Variants in OCA2 observed in about 807,000 individuals in gnomAD.
OCA2 encodes OCA2 melanosomal transmembrane protein.
Under a neutral mutation model 100.2 loss-of-function variants are expected in OCA2, and 77 were observed. The observed-to-expected ratio is 0.77, with a 90% confidence interval of 0.64 to 0.93. The LOEUF is 0.93. Ranked by LOEUF, OCA2 falls within the 40% of genes least tolerant of loss-of-function variation. The probability of loss-of-function intolerance (pLI) is 0.00; values close to 1 mark genes in which losing one functional copy is unlikely to be tolerated. For missense variants in OCA2, 1,062 were observed against 1,089.1 expected (o/e 0.98, Z 0.35); for synonymous variants, 432 against 439.2 (o/e 0.98, Z 0.21).
In OCA2 at chr15:27,972,820, G is replaced by GTTATTTTATT. The variant is rs200881214; in HGVS notation, c.1504-6008_1504-5999dup. On this transcript the variant is annotated intron_variant, in intron 14 of 23. Coordinates refer to ENST00000354638, the MANE Select transcript of OCA2 (RefSeq NM_000275.3). ...TGTAGGTTTTCTGTTTACTTTGATGGTTATTTTATTTTATTTTATTTTATT... is the reference window on the plus strand; with the variant it reads ...TGTAGGTTTTCTGTTTACTTTGATGGTTATTTTATTTTATTTTATTTTATTTTATTTTATT... Among the ~76,000 whole-genome samples the GTTATTTTATT allele has an allele frequency of 9.2e-3, 685 of 74,386 alleles. 12 individuals are homozygous for GTTATTTTATT. Among genetic ancestry groups the GTTATTTTATT allele is most frequent in the Non-Finnish European group, 0.016 (355 of 22,240 alleles). The allele number at this position is 74,386 out of a possible 152,430, so 48.8% of individuals were successfully genotyped here.
rs1215470680 is a variant in OCA2 at position 27,985,128 on chromosome 15, C to A, written c.1300G>T (p.Ala434Ser). The change falls in exon 13 of 24, where the codon GCC (alanine) becomes TCC (serine). Residue 434 changes from alanine (A) to serine (S), a missense_variant. Coordinates refer to ENST00000354638, the MANE Select transcript of OCA2 (RefSeq NM_000275.3). ...AMIIMLCLIA[A>S]VLSAFLDNVT... ...TTGTCCAAGAAGGCAGAGAGGACGG[C>A]CGCGATGAGACAGAGCATGATGATC... is the stretch of plus-strand genomic sequence containing the variant. 1 of 1,613,890 alleles carries A rather than the reference C, an allele frequency of 6.2e-7. No homozygotes were observed. Among genetic ancestry groups the A allele is most frequent in the East Asian group, 2.2e-5 (1 of 44,894 alleles).
intron 23 of OCA2, among the ~76,000 whole-genome samples, chr15:27,840,792 T>C (rs1192039609): frequency 6.6e-6 from 1 of 152,038 alleles, no homozygotes; most frequent in African/African-American, 2.4e-5. Context: ...TGAACGTAAA[T>C]GTAACATGTA....
intron 19 of OCA2, among the ~76,000 whole-genome samples, chr15:27,897,864 G>C (rs1211543950): frequency 6.6e-6 from 1 of 152,216 alleles, no homozygotes; most frequent in East Asian, 1.9e-4. Context: ...GAGCCACAGG[G>C]ACCGAGCTGC....
Position 28,016,016 on chromosome 15 carries a change from G to A in OCA2, c.890+88C>T, listed in dbSNP as rs1467861630. 4.0e-6 allele frequency: 4 copies of A among 999,462 alleles called. No homozygotes were observed. The African/African-American group carries it at 6.3e-5, about 16-fold the overall frequency. The allele number at this position is 999,462 out of a possible 1,614,324, so 61.9% of individuals were successfully genotyped here. On this transcript the variant is annotated intron_variant, in intron 8 of 23. Coordinates refer to ENST00000354638, the MANE Select transcript of OCA2 (RefSeq NM_000275.3). ...CACATGCTGACCTGGTGCTGTGTGG[G>A]CCGAAATCAGTGTCCTATAGGTCAG...
intron 5 of OCA2, among the ~76,000 whole-genome samples, chr15:28,023,744 G>A (rs1175427099): frequency 2.6e-5 from 4 of 152,064 alleles, no homozygotes; most frequent in Admixed American, 6.5e-5. Context: ...AAATAACTCC[G>A]CAAAGCACAG....
intron 19 of OCA2, among the ~76,000 whole-genome samples, chr15:27,887,663 T>C (rs1273236994): frequency 6.7e-6 from 1 of 150,018 alleles, no homozygotes; most frequent in Non-Finnish European, 1.5e-5. Flanking sequence ...GGTATGTCTT[T>C]ATCAGCAGCA....
At chr15:27,735,546 C>G in the OCA2 span, among the ~76,000 whole-genome samples, 1 of 151,954 alleles carries the variant, frequency 6.6e-6, no homozygotes, top group Non-Finnish European at 1.5e-5. Context: ...CAAAGCAAGA[C>G]AAACCCAGGA....
At chr15:27,868,657 G>A (rs959295152) in intron 21 of OCA2, among the ~76,000 whole-genome samples, 13 of 152,076 alleles carry the variant, frequency 8.5e-5, no homozygotes, top group Admixed American at 5.9e-4. Flanking sequence ...AGTGCCTAGC[G>A]TTAATATGGT....
At position 27,766,425 on chromosome 15, in the gene OCA2, G is replaced by A. The variant is rs548728725; in HGVS notation, c.2433-10953C>T. Among the ~76,000 whole-genome samples, 7 of 152,100 alleles carry A rather than the reference G, an allele frequency of 4.6e-5. No homozygotes were observed. In the East Asian group the frequency reaches 1.2e-3, roughly 25 times the overall value. On this transcript the variant is annotated intron_variant, in intron 23 of 23. Transcript: ENST00000354638. ...CTGGGAGCAGCCAACCCAGACATTCGCTCCTTCTCTATGAAGGACACTGAC... is the reference window on the plus strand; with the variant it reads ...CTGGGAGCAGCCAACCCAGACATTCACTCCTTCTCTATGAAGGACACTGAC...
At chr15:28,055,713 G>A (rs1486123661) in intron 2 of OCA2, among the ~76,000 whole-genome samples, 4 of 152,200 alleles carry the variant, frequency 2.6e-5, no homozygotes, top group Non-Finnish European at 5.9e-5. Flanking sequence ...ACCTGAGCAG[G>A]GAAGGCCGGC....
At chr15:28,020,672 C>A (rs1229748798) in intron 6 of OCA2, among the ~76,000 whole-genome samples, 1 of 151,968 alleles carries the variant, frequency 6.6e-6, no homozygotes, top group Non-Finnish European at 1.5e-5. Flanking sequence ...TCGGTTCTCT[C>A]ACATGGAGAT....
At chr15:28,006,012 T>G (rs2042080857) in intron 9 of OCA2, among the ~76,000 whole-genome samples, 2 of 152,148 alleles carry the variant, frequency 1.3e-5, no homozygotes, top group African/African-American at 4.8e-5. Flanking sequence ...ACTGGCCAGC[T>G]GGGGAACTTT....
intron 23 of OCA2, among the ~76,000 whole-genome samples, chr15:27,781,197 C>G (rs1275903289): frequency 6.6e-6 from 1 of 152,218 alleles, no homozygotes; most frequent in Non-Finnish European, 1.5e-5. Context: ...GATCCCATCT[C>G]TATTCCCTGC....
Position 27,770,869 on chromosome 15 carries a change from C to T in OCA2, c.2433-15397G>A, listed in dbSNP as rs1484026411. ...TCCTTCCTTCCTTTCTTCCTTCCTT[C>T]CCTCCTTCCTTTGCTCCTTCCCATC... On this transcript the variant is annotated intron_variant, in intron 23 of 23. Transcript: ENST00000354638. 4.0e-4 allele frequency among the ~76,000 whole-genome samples: 54 copies of T among 133,744 alleles called. 1 individual carries two copies. The highest frequency in any genetic ancestry group is 1.8e-3 in the African/African-American group (51 of 28,654). The allele number at this position is 133,744 out of a possible 152,430, so 87.7% of individuals were successfully genotyped here.
intron 19 of OCA2, among the ~76,000 whole-genome samples, chr15:27,917,251 A>G (rs1054834471): frequency 6.6e-6 from 1 of 152,206 alleles, no homozygotes; most frequent in African/African-American, 2.4e-5. Context: ...TAGGAGCTCA[A>G]CATGGAGCTC....
intron 23 of OCA2, among the ~76,000 whole-genome samples, chr15:27,766,517 G>A (rs1224762869): frequency 2.6e-5 from 4 of 152,194 alleles, no homozygotes; most frequent in Non-Finnish European, 5.9e-5. Flanking sequence ...TGCTTAGTGA[G>A]GACACTAGGC....
At chr15:27,751,184 T>G (rs1228429274), downstream of OCA2, among the ~76,000 whole-genome samples, 2 of 152,196 alleles carry the variant, frequency 1.3e-5, no homozygotes, top group African/African-American at 4.8e-5. Context: ...TAAGACAGAA[T>G]AGAGGCTTAT....
At chr15:27,972,882 T>TG (rs2040849150) in intron 14 of OCA2, among the ~76,000 whole-genome samples, 13 of 133,992 alleles carry the variant, frequency 9.7e-5, no homozygotes, top group Non-Finnish European at 1.7e-5. Flanking sequence ...TATTTTATTT[T>TG]TGTGACAGAG....
At chr15:27,848,671 C>T (rs2035624481) in intron 22 of OCA2, among the ~76,000 whole-genome samples, 1 of 152,356 alleles carries the variant, frequency 6.6e-6, no homozygotes, top group East Asian at 1.9e-4. Flanking sequence ...CACAAAGAAT[C>T]GAACCTCCAG....
Sources: gnomAD v4.1 joint callset for allele counts (sites outside exome capture counted in the v4.1 genomes callset) on GRCh38, gnomAD v4.1.1 for gene constraint, MANE v1.5 for transcripts, NCBI Gene and HGNC (gene_info 2026-07-23, HGNC 2026-07-21) for gene names.